Variants in NXPE2 observed in about 807,000 individuals in gnomAD.
The protein encoded by NXPE2 is NXPE family member 2.
NXPE2 carries 34 observed loss-of-function variants against 34.4 expected under a neutral mutation model. That is an observed-to-expected ratio of 0.99 (90% CI 0.75 to 1.31). NXPE2 has a LOEUF of 1.31. Ranked by LOEUF, NXPE2 falls within the 40% of genes most tolerant of loss-of-function variation. NXPE2 has a pLI of 0.00. For synonymous variants in NXPE2, 235 were observed against 231.3 expected (o/e 1.02, Z -0.15); for missense variants, 649 against 672.5 (o/e 0.97, Z 0.39).
chr11:114,639,838 A>G, the NXPE2 span, among the ~76,000 whole-genome samples: 3 of 112,030 alleles, frequency 2.7e-5, no homozygotes, highest in African/African-American at 1.1e-4. Context: ...ATATTATATT[A>G]AATATAAAAT....
chr11:114,789,883 C>G, the NXPE2 span, among the ~76,000 whole-genome samples: 1 of 152,246 alleles, frequency 6.6e-6, no homozygotes, highest in Non-Finnish European at 1.5e-5. Flanking sequence ...GGGGTTGCAT[C>G]TTGTTCATCT....
upstream of NXPE2, among the ~76,000 whole-genome samples, chr11:114,675,780 G>T (rs560080342): frequency 7.8e-4 from 119 of 151,760 alleles, no homozygotes; most frequent in African/African-American, 2.7e-3. Flanking sequence ...ACAAAAGACC[G>T]CAAATAGCCA....
chr11:114,684,290 G>T (rs1461414087), intron 2 of NXPE2, among the ~76,000 whole-genome samples: 1 of 152,010 alleles, frequency 6.6e-6, no homozygotes, highest in Admixed American at 6.5e-5. Flanking sequence ...AGCTGGGCGT[G>T]GTGGTGGGCG....
the NXPE2 span, chr11:114,553,728 G>A: frequency 1.1e-5 from 11 of 985,342 alleles, no homozygotes; most frequent in Non-Finnish European, 2.4e-6. Flanking sequence ...ATATCCCAGT[G>A]TCTTTAAGAT....
the NXPE2 span, among the ~76,000 whole-genome samples, chr11:114,623,390 T>C: frequency 6.6e-6 from 1 of 152,182 alleles, no homozygotes; most frequent in Non-Finnish European, 1.5e-5. Context: ...ATAATAAGTA[T>C]TGCGCAGTGG....
the NXPE2 span, among the ~76,000 whole-genome samples, chr11:114,634,238 T>G: frequency 6.6e-6 from 1 of 152,078 alleles, no homozygotes; most frequent in South Asian, 2.1e-4. Context: ...TTTTCATGTG[T>G]TTTTTGGCTG....
At chr11:114,676,772 A>T (rs76374238), upstream of NXPE2, among the ~76,000 whole-genome samples, 14,005 of 152,146 alleles carry the variant, frequency 0.092, 760 homozygotes, top group Middle Eastern at 0.2. Flanking sequence ...TCCAAAGGAA[A>T]AGAAGTCAGT....
At chr11:114,497,158 G>A in the NXPE2 span, among the ~76,000 whole-genome samples, 16 of 152,166 alleles carry the variant, frequency 1.1e-4, no homozygotes, top group African/African-American at 3.6e-4. Flanking sequence ...GACAGGATGT[G>A]AAGGTGGAAG....
chr11:114,530,879 A>G, the NXPE2 span: 27 of 1,612,668 alleles, frequency 1.7e-5, no homozygotes, highest in South Asian at 5.5e-5. Context: ...AGTAATGGAC[A>G]GAGATGGATA....
chr11:114,492,719 T>C, the NXPE2 span, among the ~76,000 whole-genome samples: 1 of 152,138 alleles, frequency 6.6e-6, no homozygotes, highest in South Asian at 2.1e-4. Flanking sequence ...TTTTGTATTT[T>C]TAGTAGAGAC....
At chr11:114,522,954 T>C in the NXPE2 span, 1 of 1,613,654 alleles carries the variant, frequency 6.2e-7, no homozygotes, top group African/African-American at 1.3e-5. Context: ...AGTTTGCCTT[T>C]CAAACAGCCA....
At chr11:114,568,185 C>G in the NXPE2 span, among the ~76,000 whole-genome samples, 1 of 152,048 alleles carries the variant, frequency 6.6e-6, no homozygotes, top group Non-Finnish European at 1.5e-5. Flanking sequence ...AAACATATAT[C>G]TTCTTTTTCT....
chr11:114,573,190 T>C, the NXPE2 span, among the ~76,000 whole-genome samples: 1 of 152,054 alleles, frequency 6.6e-6, no homozygotes, highest in South Asian at 2.1e-4. Flanking sequence ...AGCACTACAA[T>C]AACTACTAAA....
At chr11:114,472,181 C>T in the NXPE2 span, among the ~76,000 whole-genome samples, 2 of 152,202 alleles carry the variant, frequency 1.3e-5, no homozygotes, top group Admixed American at 6.5e-5. Context: ...GAAGCAACCT[C>T]ACATTAGGCT....
chr11:114,664,202 C>T, the NXPE2 span, among the ~76,000 whole-genome samples: 2 of 152,074 alleles, frequency 1.3e-5, no homozygotes, highest in Non-Finnish European at 2.9e-5. Context: ...ATGAGATACA[C>T]AAGTACTATA....
chr11:114,639,580 G>C, the NXPE2 span, among the ~76,000 whole-genome samples: 1 of 150,174 alleles, frequency 6.7e-6, no homozygotes, highest in Non-Finnish European at 1.5e-5. Context: ...GGGAGCTGTA[G>C]ACTGGAGCTG....
At chr11:114,720,973 CT>C in the NXPE2 span, among the ~76,000 whole-genome samples, 1 of 152,116 alleles carries the variant, frequency 6.6e-6, no homozygotes, top group Admixed American at 6.5e-5. Flanking sequence ...CCCAGATGAA[CT>C]TGATGAGATA....
chr11:114,758,189 A>G, the NXPE2 span, among the ~76,000 whole-genome samples: 2 of 152,124 alleles, frequency 1.3e-5, no homozygotes, highest in African/African-American at 2.4e-5. Context: ...AACCTGTCCC[A>G]TTTCCTAGGT....
chr11:114,742,536 T>C, the NXPE2 span, among the ~76,000 whole-genome samples: 1 of 152,092 alleles, frequency 6.6e-6, no homozygotes, highest in African/African-American at 2.4e-5. Flanking sequence ...GGTCTCTTTT[T>C]GGCACTGAAC....
Sources: allele counts gnomAD v4.1 joint callset (sites outside exome capture counted in the v4.1 genomes callset), GRCh38; gene constraint gnomAD v4.1.1; transcripts MANE v1.5; gene names NCBI Gene and HGNC (gene_info 2026-07-23, HGNC 2026-07-21).